BACH2: variants seen among roughly 807,000 people sequenced by gnomAD.
BACH2 encodes the protein transcription regulator protein BACH2.
BACH2 carries 5 observed loss-of-function variants against 61.8 expected under a neutral mutation model. The ratio of observed to expected loss-of-function variants is 0.08; its 90% confidence interval spans 0.04 to 0.17. The LOEUF (loss-of-function observed/expected upper bound fraction) is 0.17, where lower values mean the gene tolerates loss of function less well. Among genes scored for constraint, BACH2 ranks in the 10% least tolerant of loss-of-function variants. The pLI, the probability that BACH2 is intolerant of heterozygous loss-of-function variation, is 1.00. For missense variants in BACH2, 824 were observed against 1,091.1 expected, an observed-to-expected ratio of 0.76 and a Z score of 3.45; for synonymous variants, 446 against 440.1, an observed-to-expected ratio of 1.01 and a Z score of -0.17.
intron 3 of BACH2, among the ~76,000 whole-genome samples, chr6:90,209,534 C>T (rs1457399203): frequency 6.6e-6 from 1 of 152,174 alleles, no homozygotes; most frequent in African/African-American, 2.4e-5. Flanking sequence ...TACAGCCTAG[C>T]ACTTAACTGG....
At chr6:90,237,812 C>A (rs1770309279) in intron 3 of BACH2, among the ~76,000 whole-genome samples, 1 of 152,178 alleles carries the variant, frequency 6.6e-6, no homozygotes, top group African/African-American at 2.4e-5. Flanking sequence ...TTGATCAAAT[C>A]CAGGTCAGAA....
At chr6:89,939,820 TA>T (rs1286040622) in intron 7 of BACH2, among the ~76,000 whole-genome samples, 10 of 117,442 alleles carry the variant, frequency 8.5e-5, no homozygotes, top group South Asian at 7.0e-4. Flanking sequence ...CCCAGTTAAT[TA>T]AATTTTTTTT....
chr6:90,049,412 C>T (rs142346303), intron 5 of BACH2, among the ~76,000 whole-genome samples: 17 of 152,266 alleles, frequency 1.1e-4, no homozygotes, highest in Non-Finnish European at 2.1e-4. Context: ...ATCTCAATGA[C>T]GCGAAGAAGA....
At chr6:90,046,405 C>T (rs1319078389) in intron 5 of BACH2, among the ~76,000 whole-genome samples, 3 of 152,172 alleles carry the variant, frequency 2.0e-5, no homozygotes, top group Non-Finnish European at 4.4e-5. Flanking sequence ...ATGGCAATGC[C>T]TAAACTGAAT....
intron 5 of BACH2, among the ~76,000 whole-genome samples, chr6:90,027,954 T>A (rs1554230359): frequency 1.3e-5 from 2 of 152,218 alleles, no homozygotes; most frequent in Non-Finnish European, 2.9e-5. Context: ...CTGGACTGCA[T>A]GAAGAATAAT....
chr6:90,046,286 T>C (rs1408603782), intron 5 of BACH2, among the ~76,000 whole-genome samples: 1 of 152,222 alleles, frequency 6.6e-6, no homozygotes, highest in Non-Finnish European at 1.5e-5. Context: ...GTCTACCACA[T>C]GCCAGCCACT....
intron 5 of BACH2, among the ~76,000 whole-genome samples, chr6:90,022,951 A>G (rs1778453793): frequency 6.6e-6 from 1 of 152,336 alleles, no homozygotes; most frequent in East Asian, 1.9e-4. Context: ...ATAACTCCCA[A>G]CTGGAAACAA....
intron 7 of BACH2, among the ~76,000 whole-genome samples, chr6:89,949,554 C>G (rs1042539066): frequency 1.3e-5 from 2 of 152,184 alleles, no homozygotes; most frequent in African/African-American, 4.8e-5. Flanking sequence ...CATGGAGCCT[C>G]TGGACATTTT....
intron 5 of BACH2, among the ~76,000 whole-genome samples, chr6:90,088,187 G>A (rs1424989485): frequency 6.6e-6 from 1 of 152,110 alleles, no homozygotes; most frequent in Non-Finnish European, 1.5e-5. Context: ...ACATTTAAGT[G>A]TGTGAGGGGA....
chr6:89,955,484 G>A (rs551885496), intron 6 of BACH2, among the ~76,000 whole-genome samples: 20 of 152,270 alleles, frequency 1.3e-4, no homozygotes, highest in Middle Eastern at 3.4e-3. Context: ...TTATCAGCAC[G>A]CCTTGAGTGT....
rs142556250 is a variant in BACH2 at position 90,124,488 on chromosome 6, T to A, written c.-161-35379A>T. ...TAAGGAAATTGTTAACAATTCAGAA[T>A]TTCGGGCCCTGACACAGCAGGATGT... On this transcript the variant is annotated intron_variant, in intron 4 of 8. Transcript: ENST00000257749. Among the ~76,000 whole-genome samples, 1,035 of 152,312 alleles carry A rather than the reference T, an allele frequency of 6.8e-3. 14 individuals are homozygous for A. Among genetic ancestry groups the A allele is most frequent in the African/African-American group, 0.022 (934 of 41,570 alleles).
rs542006988 is a variant in BACH2 at position 90,010,347 on chromosome 6, C to A, written c.-12-1491G>T. 3.3e-5 allele frequency among the ~76,000 whole-genome samples: 5 copies of A among 152,340 alleles called. No individual in the cohort carries two copies. The South Asian group carries it at 1.0e-3, about 32-fold the overall frequency. ...TTCTAGAGTTTCATATAAATGGAAT[C>A]ATAAACTACATATTCTTTTATATCT... On this transcript the variant is annotated intron_variant, in intron 5 of 8. Coordinates refer to ENST00000257749, the MANE Select transcript of BACH2 (RefSeq NM_021813.4).
intron 5 of BACH2, among the ~76,000 whole-genome samples, chr6:90,078,290 C>A (rs1269369705): frequency 6.6e-6 from 1 of 152,084 alleles, no homozygotes; most frequent in South Asian, 2.1e-4. Flanking sequence ...TTAACATGCA[C>A]AGATGTTAGA....
chr6:90,222,114 G>A (rs1769755063), intron 3 of BACH2, among the ~76,000 whole-genome samples: 1 of 152,130 alleles, frequency 6.6e-6, no homozygotes, highest in Admixed American at 6.5e-5. Context: ...TGTTCATACT[G>A]AGTCTTTGAA....
chr6:90,277,014 AGTATTTATTTT>A (rs1220684655), intron 1 of BACH2, among the ~76,000 whole-genome samples: 2 of 152,158 alleles, frequency 1.3e-5, no homozygotes, highest in South Asian at 4.1e-4. Flanking sequence ...TGGCTGCCTT[AGTATTTATTTT>A]GATATACTAT....
intron 1 of BACH2, among the ~76,000 whole-genome samples, chr6:90,291,658 C>G (rs185317139): frequency 6.7e-6 from 1 of 149,762 alleles, no homozygotes; most frequent in East Asian, 2.0e-4. Context: ...GGCAATCTTA[C>G]TGAGTTTACA....
intron 4 of BACH2, among the ~76,000 whole-genome samples, chr6:90,141,473 AC>A (rs1784457184): frequency 7.0e-6 from 1 of 143,106 alleles, no homozygotes; most frequent in East Asian, 2.0e-4. Flanking sequence ...AAGCCACCAT[AC>A]CCCGCCCCGA....
In BACH2 at chr6:89,943,366, A is replaced by T. The variant is rs558640556; in HGVS notation, c.1837-5016T>A. On this transcript the variant is annotated intron_variant, in intron 7 of 8. Transcript: ENST00000257749. ...CCACGACCATTCTTCAGCCTAAACC[A>T]TCATCCCCTTCCTCCCAGTTAAAAG... Among the ~76,000 whole-genome samples, 3 of 152,226 alleles carry T rather than the reference A, an allele frequency of 2.0e-5. No homozygotes were observed. The East Asian group carries it at 5.8e-4, about 29-fold the overall frequency.
At chr6:90,048,499 A>G (rs529998155) in intron 5 of BACH2, among the ~76,000 whole-genome samples, 67 of 152,196 alleles carry the variant, frequency 4.4e-4, no homozygotes, top group Non-Finnish European at 8.4e-4. Flanking sequence ...ATGCAATACA[A>G]AACTTTATGT....
Sources: allele counts gnomAD v4.1 joint callset (sites outside exome capture counted in the v4.1 genomes callset), GRCh38; gene constraint gnomAD v4.1.1; transcripts MANE v1.5; gene names NCBI Gene and HGNC (gene_info 2026-07-23, HGNC 2026-07-21).